The following CLMN variants were observed in gnomAD, a reference collection of about 807,000 sequenced individuals.
The protein encoded by CLMN is calmin (calponin-like, transmembrane).
CLMN carries 57 observed loss-of-function variants against 92.7 expected under a neutral mutation model. The ratio of observed to expected loss-of-function variants is 0.61; its 90% CI spans 0.50 to 0.77. The LOEUF (loss-of-function observed/expected upper bound fraction) is 0.77, where lower values mean the gene tolerates loss of function less well. Among genes scored for constraint, CLMN ranks in the 30% least tolerant of loss-of-function variants. The pLI is 0.00. For missense variants in CLMN, 1,158 were observed against 1,237.5 expected (o/e 0.94, Z 0.96); for synonymous variants, 466 against 470.6 (o/e 0.99, Z 0.13).
chr14:95,216,171 C>T (rs929313729), intron 4 of CLMN, among the ~76,000 whole-genome samples: 2 of 152,176 alleles, frequency 1.3e-5, no homozygotes, highest in Non-Finnish European at 2.9e-5. Context: ...AAGCAAGACA[C>T]GTCTCACATG....
At chr14:95,197,839 C>T (rs181601145) in intron 9 of CLMN, among the ~76,000 whole-genome samples, 5 of 147,540 alleles carry the variant, frequency 3.4e-5, no homozygotes, top group East Asian at 1.9e-4. Flanking sequence ...CATTGTGCCC[C>T]GGGAGAACAA....
At chr14:95,263,584 C>A (rs1899347107) in intron 1 of CLMN, among the ~76,000 whole-genome samples, 1 of 152,206 alleles carries the variant, frequency 6.6e-6, no homozygotes, top group Non-Finnish European at 1.5e-5. Context: ...CACCTCAATG[C>A]AGGAGTTTGG....
Position 95,203,378 on chromosome 14 carries a change from C to T in CLMN, c.1971G>A (p.Val657=), listed in dbSNP as rs1212512869. The T allele has an allele frequency of 6.2e-7, 1 of 1,613,994 alleles. No individual in the cohort carries two copies. The highest frequency in any genetic ancestry group is 8.5e-7 in the Non-Finnish European group (1 of 1,180,022). Residue 657 remains valine (V), a synonymous_variant, in exon 9 of 13, where the codon GTG becomes GTA. Transcript: ENST00000298912. ...TGGACTTTCTCTTGGCCTTTTCATGCACCTCTGGCTTTTTATCCACTGGTG... is the reference window on the plus strand; with the variant it reads ...TGGACTTTCTCTTGGCCTTTTCATGTACCTCTGGCTTTTTATCCACTGGTG... The part of the protein sequence containing the change: ...EETPVDKKPE[V]HEKAKRKSTR...
At chr14:95,297,153 G>T (rs1156725198) in intron 1 of CLMN, among the ~76,000 whole-genome samples, 1 of 152,164 alleles carries the variant, frequency 6.6e-6, no homozygotes, top group Non-Finnish European at 1.5e-5. Flanking sequence ...TACAAAGTAA[G>T]CCTATGCCTG....
rs377429000 is a variant in CLMN, at chr14:95,214,054, C to G, written c.418-645G>C. On this transcript the variant is annotated intron_variant, in intron 5 of 12. Transcript: ENST00000298912. ...GGAAGTTTTCCTTACTGCACTCCCC[C>G]ATCTGAGCTAGCTGCCCCTGCTTGG... Among the ~76,000 whole-genome samples, 72 of 152,102 alleles carry G rather than the reference C, an allele frequency of 4.7e-4. 2 individuals are homozygous for G. The South Asian group carries it at 0.015, about 31-fold the overall frequency.
intron 1 of CLMN, among the ~76,000 whole-genome samples, chr14:95,273,913 C>G (rs564477339): frequency 1.3e-5 from 2 of 152,164 alleles, no homozygotes; most frequent in African/African-American, 4.8e-5. Flanking sequence ...CTACGACACG[C>G]TCCTCCCAGC....
intron 1 of CLMN, among the ~76,000 whole-genome samples, chr14:95,272,290 G>A (rs1899741332): frequency 6.6e-6 from 1 of 152,048 alleles, no homozygotes; most frequent in Non-Finnish European, 1.5e-5. Flanking sequence ...GAAGGGGAGA[G>A]GGGAGGAGGG....
intron 1 of CLMN, among the ~76,000 whole-genome samples, chr14:95,270,123 G>T (rs928187357): frequency 6.6e-6 from 1 of 152,158 alleles, no homozygotes; most frequent in Non-Finnish European, 1.5e-5. Context: ...GCACTTAGCA[G>T]GGAATCTCCT....
At chr14:95,232,081 C>T (rs1466714840) in intron 1 of CLMN, among the ~76,000 whole-genome samples, 4 of 152,360 alleles carry the variant, frequency 2.6e-5, no homozygotes, top group East Asian at 1.9e-4. Flanking sequence ...CCAGGTGGAA[C>T]TCCATTCTGT....
chr14:95,222,890 A>G (rs1897593661), intron 3 of CLMN, among the ~76,000 whole-genome samples: 1 of 152,204 alleles, frequency 6.6e-6, no homozygotes, highest in African/African-American at 2.4e-5. Context: ...CCTACAGTTA[A>G]GGACAGACCC....
At chr14:95,220,169 C>CTTTTTTTTT (rs767326601) in intron 4 of CLMN, among the ~76,000 whole-genome samples, 7 of 71,794 alleles carry the variant, frequency 9.8e-5, no homozygotes, top group South Asian at 6.2e-4. Context: ...GGATAGGTCC[C>CTTTTTTTTT]TTTTTTTTTT....
chr14:95,209,948 T>G (rs894518375), intron 7 of CLMN, among the ~76,000 whole-genome samples: 58 of 152,232 alleles, frequency 3.8e-4, no homozygotes, highest in African/African-American at 1.3e-3. Context: ...TAATCTGGGA[T>G]GCACGTTGAG....
At position 95,194,813 on chromosome 14, in the gene CLMN, C is replaced by G. The variant is rs1473784249; in HGVS notation, c.2709-217G>C. On this transcript the variant is annotated intron_variant, in intron 10 of 12. Transcript: ENST00000298912. The surrounding 1 kb of genome is among the most constrained non-coding windows in gnomAD (Gnocchi z 4.0). ...ATATTAGTGATACACACATTGGGCCCTCATCTACAAGAAAAATCAAAGTCA... is the reference window on the plus strand; with the variant it reads ...ATATTAGTGATACACACATTGGGCCGTCATCTACAAGAAAAATCAAAGTCA... 6.6e-6 allele frequency among the ~76,000 whole-genome samples: 1 copy of G among 152,210 alleles called. No homozygotes were observed. The highest frequency in any genetic ancestry group is 1.5e-5 in the Non-Finnish European group (1 of 68,044).
In CLMN at chr14:95,235,301, C is replaced by T. The variant is rs551028064; in HGVS notation, c.83-5168G>A. On this transcript the variant is annotated intron_variant, in intron 1 of 12. Coordinates refer to ENST00000298912, the MANE Select transcript of CLMN (RefSeq NM_024734.4). ...CAGACCTACTGCCTCACACTGGGGC[C>T]GGGGCCTGGGAATCTGCATTTAGCC... Among the ~76,000 whole-genome samples, 35 of 152,246 alleles carry T rather than the reference C, an allele frequency of 2.3e-4. 2 individuals are homozygous for T. In the South Asian group the frequency reaches 4.6e-3, roughly 20 times the overall value.
chr14:95,255,283 T>G (rs1336876233), intron 1 of CLMN, among the ~76,000 whole-genome samples: 1 of 152,218 alleles, frequency 6.6e-6, no homozygotes, highest in Non-Finnish European at 1.5e-5. Context: ...TCCCCCCATC[T>G]GCAGTTTCAG....
chr14:95,261,297 C>T (rs1207985158), intron 1 of CLMN, among the ~76,000 whole-genome samples: 2 of 152,210 alleles, frequency 1.3e-5, no homozygotes, highest in Admixed American at 6.5e-5. Context: ...GTTTCACCTC[C>T]GCTGGGAACG....
chr14:95,242,250 C>CTTTTTTTTTTTTTTTTTT (rs371417505), intron 1 of CLMN, among the ~76,000 whole-genome samples: 180 of 92,568 alleles, frequency 1.9e-3, no homozygotes, highest in Non-Finnish European at 3.0e-3. Flanking sequence ...TTTTCTTTTT[C>CTTTTTTTTTTTTTTTTTT]TTTTTTTTTT....
chr14:95,260,946 A>G (rs1179254369), intron 1 of CLMN, among the ~76,000 whole-genome samples: 1 of 152,154 alleles, frequency 6.6e-6, no homozygotes, highest in Non-Finnish European at 1.5e-5. Flanking sequence ...ATTTTTTCCA[A>G]CCAACCAATA....
intron 9 of CLMN, 76 bp from the exon 10 acceptor site, chr14:95,196,770 C>T (rs1595554325): frequency 6.9e-7 from 1 of 1,451,014 alleles, no homozygotes; most frequent in Non-Finnish European, 9.4e-7. Flanking sequence ...CCCAGCAGTG[C>T]TCTGCCCAGG....
Sources: allele counts gnomAD v4.1 joint callset (sites outside exome capture counted in the v4.1 genomes callset), GRCh38; gene constraint gnomAD v4.1.1; non-coding constraint Gnocchi (gnomAD v3.1); transcripts MANE v1.5; gene names NCBI Gene and HGNC (gene_info 2026-07-23, HGNC 2026-07-21).